The following ITGB2 variants were observed in gnomAD, a reference collection of about 807,000 sequenced individuals.
ITGB2 encodes integrin subunit beta 2.
A neutral mutation model predicts 86.8 loss-of-function variants in ITGB2; 56 were observed. The ratio of observed to expected loss-of-function variants is 0.65; its 90% CI spans 0.52 to 0.81. The LOEUF (loss-of-function observed/expected upper bound fraction) is 0.81, where lower values mean the gene tolerates loss of function less well. Among genes scored for constraint, ITGB2 ranks in the 30% least tolerant of loss-of-function variants. The pLI, the probability that ITGB2 is intolerant of heterozygous loss-of-function variation, is 0.00. For missense variants in ITGB2, 948 were observed against 1,061.2 expected, an observed-to-expected ratio of 0.89 and a Z score of 1.48; for synonymous variants, 457 against 450.4, an observed-to-expected ratio of 1.01 and a Z score of -0.19.
chr21:44,908,302 A>G (rs1259154505), intron 3 of ITGB2: 1 of 487,864 alleles, frequency 2.0e-6, no homozygotes, highest in East Asian at 3.1e-5. Flanking sequence ...ATAAGACAGG[A>G]GAAAAGAGAG....
At chr21:44,910,820 GC>G in intron 1 of ITGB2, 35 bp from the exon 2 acceptor site, 2 of 1,600,188 alleles carry the variant, frequency 1.2e-6, no homozygotes, top group Non-Finnish European at 1.7e-6. Flanking sequence ...ACGGTCTCAG[GC>G]CCAACCCCTG....
intron 4 of ITGB2, among the ~76,000 whole-genome samples, chr21:44,904,963 C>T (rs977143771): frequency 2.6e-5 from 4 of 152,214 alleles, no homozygotes; most frequent in African/African-American, 4.8e-5. Context: ...GGCCTCTGGG[C>T]CAAGGACCCC....
rs148893377 is a variant in ITGB2 at position 44,896,198 on chromosome 21, G to A, written c.994-1138C>T. On this transcript the variant is annotated intron_variant, in intron 8 of 15. Coordinates refer to ENST00000652462, the MANE Select transcript of ITGB2 (RefSeq NM_000211.5). ...CGCAATATCACTGGGTTGGGAGGAC[G>A]TGCATGGTGGCCAGTGTTGGCCAGA... Among the ~76,000 whole-genome samples, 832 of 152,336 alleles carry A rather than the reference G, an allele frequency of 5.5e-3. 30 individuals are homozygous for A. The highest frequency in any genetic ancestry group is 0.049 in the Admixed American group (754 of 15,306).
At position 44,900,008 on chromosome 21, in the gene ITGB2, G is replaced by A. The variant is rs12627394; in HGVS notation, c.897+312C>T. 0.2 allele frequency among the ~76,000 whole-genome samples: 31,141 copies of A among 152,078 alleles called. 3,331 individuals are homozygous for A. Among genetic ancestry groups the A allele is most frequent in the East Asian group, 0.32 (1,626 of 5,152 alleles). ...CGGCAGGGTGCAGCCGTAGCCTGGG[G>A]GCGGTTACTATACCTCCACAGCAGC... On this transcript the variant is annotated intron_variant, in intron 7 of 15. Coordinates refer to ENST00000652462, the MANE Select transcript of ITGB2 (RefSeq NM_000211.5).
intron 1 of ITGB2, among the ~76,000 whole-genome samples, chr21:44,919,045 A>C (rs914094428): frequency 2.8e-4 from 15 of 52,686 alleles, no homozygotes; most frequent in East Asian, 1.7e-3. Flanking sequence ...TCAGCTGTTC[A>C]TTGAGTGCTG....
chr21:44,918,998 T>TCCGCTCTCCCAGCACTCGGAGCTGAGCG, intron 1 of ITGB2, among the ~76,000 whole-genome samples: 1 of 57,756 alleles, frequency 1.7e-5, no homozygotes, highest in African/African-American at 1.4e-4. Flanking sequence ...GAGCTGAGCA[T>TCCGCTCTCCCAGCACTCGGAGCTGAGCG]TCCCCTCTCC....
At chr21:44,897,612 C>T (rs1450969281) in intron 8 of ITGB2, among the ~76,000 whole-genome samples, 5 of 152,150 alleles carry the variant, frequency 3.3e-5, no homozygotes, top group Admixed American at 2.0e-4. Context: ...ACTGAGGGCT[C>T]GGGGTAAGGA....
chr21:44,902,941 C>G (rs1402990546), intron 5 of ITGB2, among the ~76,000 whole-genome samples: 2 of 152,208 alleles, frequency 1.3e-5, no homozygotes, highest in Non-Finnish European at 2.9e-5. Flanking sequence ...TGGAGACCTG[C>G]TCTGTGGCAA....
At chr21:44,911,692 G>A (rs966844945) in intron 1 of ITGB2, among the ~76,000 whole-genome samples, 1 of 152,170 alleles carries the variant, frequency 6.6e-6, no homozygotes, top group South Asian at 2.1e-4. Context: ...CACCCACCCC[G>A]TCCTTAACCC....
At chr21:44,923,990 A>G (rs988702651), upstream of ITGB2, among the ~76,000 whole-genome samples, 2 of 152,224 alleles carry the variant, frequency 1.3e-5, no homozygotes. Context: ...AGATGTAGCC[A>G]ATGAGAGTCA....
chr21:44,891,260 C>T (rs1053630634), intron 11 of ITGB2, among the ~76,000 whole-genome samples: 21 of 152,188 alleles, frequency 1.4e-4, no homozygotes, highest in African/African-American at 3.9e-4. Context: ...GGGGTGCCCA[C>T]GCCTGGCAGG....
At chr21:44,919,116 C>T (rs148294405) in intron 1 of ITGB2, among the ~76,000 whole-genome samples, 4,161 of 152,104 alleles carry the variant, frequency 0.027, 197 homozygotes, top group African/African-American at 0.094. Context: ...CCCCACAGCC[C>T]GCCCGGTCAC....
At position 44,886,846 on chromosome 21, in the gene ITGB2, C is replaced by G. The variant is rs777630872; in HGVS notation, c.2137G>C (p.Val713Leu). The stretch of plus-strand genomic sequence containing the variant: ...ACCAGCAGGAGAATGCCGATCAGCA[C>G]GATGCCTGCCACGGTGCCCCCGACG... ...AIVGGTVAGI[V>L]LIGILLLVIW... Residue 713 changes from valine to leucine, a missense_variant, in exon 15 of 16, where the codon GTG (valine) becomes CTG (leucine). By Grantham distance (32) the Val-to-Leu change is conservative (BLOSUM62 1). Coordinates refer to ENST00000652462, the MANE Select transcript of ITGB2 (RefSeq NM_000211.5). 6.2e-7 allele frequency: 1 copy of G among 1,613,660 alleles called. No homozygotes were observed. Among genetic ancestry groups the G allele is most frequent in the South Asian group, 1.1e-5 (1 of 91,076 alleles).
At chr21:44,890,582 G>C (rs1241071963) in intron 11 of ITGB2, among the ~76,000 whole-genome samples, 1 of 152,204 alleles carries the variant, frequency 6.6e-6, no homozygotes, top group Non-Finnish European at 1.5e-5. Flanking sequence ...ATGGTGGCCA[G>C]TGGGGACTCG....
chr21:44,889,729 C>A (rs2083757592), intron 12 of ITGB2, among the ~76,000 whole-genome samples: 1 of 152,210 alleles, frequency 6.6e-6, no homozygotes, highest in Non-Finnish European at 1.5e-5. Context: ...CTCAATAGGG[C>A]TATGACCGTT....
upstream of ITGB2, among the ~76,000 whole-genome samples, chr21:44,922,063 T>C (rs113492236): frequency 1.1e-4 from 16 of 152,320 alleles, no homozygotes; most frequent in African/African-American, 3.8e-4. Context: ...GAAATAGACA[T>C]GAAGAAATCC....
chr21:44,917,054 A>G (rs533450663), intron 1 of ITGB2, among the ~76,000 whole-genome samples: 3 of 152,350 alleles, frequency 2.0e-5, no homozygotes, highest in African/African-American at 7.2e-5. Flanking sequence ...TACTCCATTC[A>G]AGGATGTTTC....
intron 1 of ITGB2, among the ~76,000 whole-genome samples, chr21:44,915,549 G>C (rs1437237601): frequency 1.3e-5 from 2 of 152,312 alleles, no homozygotes; most frequent in African/African-American, 4.8e-5. Flanking sequence ...AAGAGGACAT[G>C]GGAGCCAACC....
chr21:44,916,469 G>A (rs2084211746), intron 1 of ITGB2, among the ~76,000 whole-genome samples: 1 of 152,150 alleles, frequency 6.6e-6, no homozygotes, highest in Non-Finnish European at 1.5e-5. Context: ...TCTTGCTGTG[G>A]ACATAAAAGA....
Sources: allele counts gnomAD v4.1 joint callset (sites outside exome capture counted in the v4.1 genomes callset), GRCh38; gene constraint gnomAD v4.1.1; transcripts MANE v1.5; gene names NCBI Gene and HGNC (gene_info 2026-07-23, HGNC 2026-07-21).